DAB1: variants seen among roughly 807,000 people sequenced by gnomAD.
DAB1 encodes disabled homolog 1.
Under a neutral mutation model 64.6 loss-of-function variants are expected in DAB1, and 15 were observed. The ratio of observed to expected loss-of-function variants is 0.23; its 90% confidence interval spans 0.16 to 0.36. The LOEUF is 0.36. DAB1 is among the 10% of genes least tolerant of loss of function. The probability of loss-of-function intolerance (pLI) is 1.00; values close to 1 mark genes in which losing one functional copy is unlikely to be tolerated. For synonymous variants in DAB1, 235 were observed against 251.9 expected, an observed-to-expected ratio of 0.93 and a Z score of 0.64; for missense variants, 596 against 706.7, an observed-to-expected ratio of 0.84 and a Z score of 1.78.
intron 2 of DAB1, among the ~76,000 whole-genome samples, chr1:57,224,908 G>T (rs1007741823): frequency 6.6e-6 from 1 of 152,100 alleles, no homozygotes; most frequent in African/African-American, 2.4e-5. Flanking sequence ...CAATCATGTG[G>T]TCAAAAGATT....
intron 3 of DAB1, among the ~76,000 whole-genome samples, chr1:58,490,795 CTTTTTTTTTTTTTTT>C (rs148145860): frequency 1.7e-4 from 10 of 59,244 alleles, no homozygotes; most frequent in African/African-American, 4.5e-4. Context: ...AGTCAACATT[CTTTTTTTTTTTTTTT>C]TTTTTTTTTT....
chr1:57,729,857 T>G (rs1351777865), intron 6 of DAB1, among the ~76,000 whole-genome samples: 1 of 152,152 alleles, frequency 6.6e-6, no homozygotes, highest in Non-Finnish European at 1.5e-5. Flanking sequence ...GGCCAGGAGT[T>G]CAATATCAGC....
intron 6 of DAB1, among the ~76,000 whole-genome samples, chr1:57,706,394 C>G (rs1310588617): frequency 6.6e-6 from 1 of 151,968 alleles, no homozygotes; most frequent in African/African-American, 2.4e-5. Context: ...CACCCTCAAC[C>G]TCCCCAGGCT....
intron 3 of DAB1, among the ~76,000 whole-genome samples, chr1:58,344,682 T>G (rs1163698448): frequency 1.3e-5 from 2 of 152,114 alleles, no homozygotes; most frequent in Non-Finnish European, 2.9e-5. Flanking sequence ...AACTAGAAAC[T>G]TTTCTATTCT....
intron 6 of DAB1, among the ~76,000 whole-genome samples, chr1:57,716,056 C>A (rs1647080309): frequency 6.6e-6 from 1 of 152,112 alleles, no homozygotes; most frequent in South Asian, 2.1e-4. Flanking sequence ...ATTACAGGCA[C>A]CTGCCACCAC....
At chr1:58,063,067 C>A (rs1648604527) in intron 5 of DAB1, among the ~76,000 whole-genome samples, 1 of 152,180 alleles carries the variant, frequency 6.6e-6, no homozygotes, top group African/African-American at 2.4e-5. Flanking sequence ...ATAAGCAAGG[C>A]AACATTGTCC....
chr1:57,210,641 C>A (rs933540054), intron 2 of DAB1, among the ~76,000 whole-genome samples: 2 of 152,164 alleles, frequency 1.3e-5, no homozygotes, highest in Non-Finnish European at 2.9e-5. Flanking sequence ...CCTAAACACA[C>A]ACACACAGAT....
At chr1:58,031,989 CGTGTGTGTGTGTGTGTGTGTGTGTGT>C (rs59449665) in intron 5 of DAB1, among the ~76,000 whole-genome samples, 17 of 141,828 alleles carry the variant, frequency 1.2e-4, no homozygotes, top group Admixed American at 3.5e-4. Flanking sequence ...CTGATAGAAA[CGTGTGTGTGTGTGTGTGTGTGTGTGT>C]GTGTGTGTGT....
At chr1:58,014,589 G>A (rs1194191016) in intron 5 of DAB1, among the ~76,000 whole-genome samples, 2 of 152,202 alleles carry the variant, frequency 1.3e-5, no homozygotes, top group Admixed American at 6.5e-5. Flanking sequence ...TCACACTGCA[G>A]TCATATCTTG....
chr1:57,975,995 T>C (rs1187981), intron 5 of DAB1, among the ~76,000 whole-genome samples: 73,456 of 152,074 alleles, frequency 0.48, 18,422 homozygotes, highest in East Asian at 0.9. Flanking sequence ...TTTGCTCCAG[T>C]TGGGTCACTG....
intron 1 of DAB1, among the ~76,000 whole-genome samples, chr1:57,307,763 T>C (rs1405069707): frequency 1.3e-5 from 2 of 152,098 alleles, no homozygotes; most frequent in African/African-American, 4.8e-5. Context: ...CTTTCCTGTT[T>C]GTTGAATTTA....
At chr1:57,201,453 C>T (rs1665090130) in intron 2 of DAB1, among the ~76,000 whole-genome samples, 1 of 152,010 alleles carries the variant, frequency 6.6e-6, no homozygotes, top group African/African-American at 2.4e-5. Context: ...TGCCACTTAC[C>T]ATGCCCACCC....
intron 2 of DAB1, among the ~76,000 whole-genome samples, chr1:57,188,727 T>A (rs1229297615): frequency 6.6e-6 from 1 of 152,210 alleles, no homozygotes; most frequent in African/African-American, 2.4e-5. Flanking sequence ...ATTGTTCCAT[T>A]AATCAGTGAC....
intron 7 of DAB1, among the ~76,000 whole-genome samples, chr1:57,540,046 T>C (rs1524719): frequency 0.95 from 144,743 of 152,260 alleles, 69,195 homozygotes; most frequent in East Asian, 1. Flanking sequence ...ATGTACATGT[T>C]CTAGAGAGGG....
chr1:57,620,751 A>T (rs1645847255), intron 7 of DAB1, among the ~76,000 whole-genome samples: 1 of 152,146 alleles, frequency 6.6e-6, no homozygotes, highest in Admixed American at 6.5e-5. Flanking sequence ...GCTAGACAGG[A>T]GGAGGTAGGA....
rs17115632 is a variant in DAB1 at position 57,322,737 on chromosome 1, T to C, written c.-136-31571A>G. On this transcript the variant is annotated intron_variant, in intron 1 of 14. Transcript: ENST00000371236. ...ATAGAAATGTTTAAGAAAGTACCTA[T>C]ATGAAGATGACAGTACCACACAATA... Among the ~76,000 whole-genome samples the C allele has an allele frequency of 5.5e-3, 843 of 152,268 alleles. 7 individuals carry two copies. The highest frequency in any genetic ancestry group is 0.019 in the African/African-American group (806 of 41,538).
chr1:58,398,246 C>A (rs1644539355), intron 3 of DAB1, among the ~76,000 whole-genome samples: 1 of 152,224 alleles, frequency 6.6e-6, no homozygotes, highest in African/African-American at 2.4e-5. Flanking sequence ...TCCTGCCACT[C>A]CTCATTGCTC....
intron 5 of DAB1, among the ~76,000 whole-genome samples, chr1:58,028,812 G>A (rs1393178486): frequency 6.6e-6 from 1 of 152,128 alleles, no homozygotes; most frequent in African/African-American, 2.4e-5. Flanking sequence ...CTTCACAGAC[G>A]AGGAATCTGA....
chr1:57,955,126 A>C, intron 5 of DAB1, among the ~76,000 whole-genome samples: 1 of 151,948 alleles, frequency 6.6e-6, no homozygotes, highest in Non-Finnish European at 1.5e-5. Context: ...CATTCTCTCT[A>C]CTTTGAAATA....
Sources: gnomAD v4.1 joint callset for allele counts (sites outside exome capture counted in the v4.1 genomes callset) on GRCh38, gnomAD v4.1.1 for gene constraint, MANE v1.5 for transcripts, NCBI Gene and HGNC (gene_info 2026-07-23, HGNC 2026-07-21) for gene names.